The following ELOVL7 variants were observed in gnomAD, a reference collection of about 807,000 sequenced individuals.
ELOVL7 encodes very long chain fatty acid elongase 7.
ELOVL7 carries 27 observed loss-of-function variants against 35.7 expected under a neutral mutation model. The observed-to-expected ratio is 0.76, with a 90% CI of 0.56 to 1.04. The LOEUF is 1.04. ELOVL7 is among the 50% of genes least tolerant of loss of function. The probability of loss-of-function intolerance (pLI) is 0.00; values close to 1 mark genes in which losing one functional copy is unlikely to be tolerated. For synonymous variants in ELOVL7, 113 were observed against 114.6 expected (o/e 0.99, Z 0.09); for missense variants, 327 against 340.8 (o/e 0.96, Z 0.32).
intron 7 of ELOVL7, among the ~76,000 whole-genome samples, chr5:60,762,893 T>C (rs561066127): frequency 6.6e-6 from 1 of 152,304 alleles, no homozygotes; most frequent in South Asian, 2.1e-4. Flanking sequence ...AGTGAGTGTT[T>C]AGGTATTTTC....
intron 4 of ELOVL7, among the ~76,000 whole-genome samples, chr5:60,768,172 G>A (rs919738153): frequency 1.3e-5 from 2 of 152,170 alleles, no homozygotes; most frequent in Admixed American, 1.3e-4. Context: ...CTAATATGGT[G>A]AAGAATAAAA....
chr5:60,773,245 C>T (rs754513471), intron 3 of ELOVL7, among the ~76,000 whole-genome samples: 2 of 152,164 alleles, frequency 1.3e-5, no homozygotes, highest in Non-Finnish European at 2.9e-5. Flanking sequence ...AAGGACCTGA[C>T]TCAAAATTAT....
At chr5:60,775,491 A>G (rs995598083) in intron 3 of ELOVL7, among the ~76,000 whole-genome samples, 10 of 152,232 alleles carry the variant, frequency 6.6e-5, no homozygotes, top group African/African-American at 2.4e-4. Context: ...TCAAATTCAT[A>G]GAAAACCAAA....
At chr5:60,758,062 C>A (rs1044461904) in intron 7 of ELOVL7, among the ~76,000 whole-genome samples, 4 of 152,032 alleles carry the variant, frequency 2.6e-5, no homozygotes, top group Admixed American at 2.6e-4. Flanking sequence ...ATGTCACTAC[C>A]AAGATCAAGA....
intron 1 of ELOVL7, among the ~76,000 whole-genome samples, chr5:60,820,774 G>A (rs546455415): frequency 6.6e-6 from 1 of 152,240 alleles, no homozygotes; most frequent in African/African-American, 2.4e-5. Flanking sequence ...GACCTGTGGT[G>A]TATGCCATCT....
At chr5:60,792,850 T>C (rs1412487619) in intron 2 of ELOVL7, among the ~76,000 whole-genome samples, 1 of 152,152 alleles carries the variant, frequency 6.6e-6, no homozygotes, top group African/African-American at 2.4e-5. Flanking sequence ...CTTGTATGAA[T>C]GAAGCTCACC....
chr5:60,827,338 A>G (rs976456859), intron 1 of ELOVL7, among the ~76,000 whole-genome samples: 4 of 152,192 alleles, frequency 2.6e-5, no homozygotes, highest in Non-Finnish European at 5.9e-5. Context: ...TATTTCCTCA[A>G]TGTAGGTTCC....
intron 7 of ELOVL7, among the ~76,000 whole-genome samples, chr5:60,761,821 G>A (rs1383781374): frequency 6.6e-6 from 1 of 152,070 alleles, no homozygotes; most frequent in Non-Finnish European, 1.5e-5. Flanking sequence ...TAGAAAAATT[G>A]TAGCAGTTAG....
At chr5:60,787,178 C>A (rs900699462) in intron 3 of ELOVL7, among the ~76,000 whole-genome samples, 156 bp downstream of exon 3, 1 of 152,114 alleles carries the variant, frequency 6.6e-6, no homozygotes, top group Non-Finnish European at 1.5e-5. Flanking sequence ...TTGTACATAT[C>A]TGTAATGAAA....
intron 5 of ELOVL7, 55 bp from the exon 6 acceptor site, chr5:60,766,685 A>AT (rs1321085207): frequency 1.3e-6 from 2 of 1,523,772 alleles, no homozygotes; most frequent in African/African-American, 2.8e-5. Flanking sequence ...AAAAGCTTAT[A>AT]TTTTTAAATT....
In ELOVL7 at chr5:60,805,904, CAT is replaced by C. The variant is rs377229402; in HGVS notation, c.-85-6676_-85-6675del. On this transcript the variant is annotated intron_variant, in intron 1 of 8. Coordinates refer to ENST00000508821, the MANE Select transcript of ELOVL7 (RefSeq NM_024930.3). ...CCAACGCCTGGCATGTAGCAGGAAA[CAT>C]GTGTGATATGAGTAAATATCCAAGT... Among the ~76,000 whole-genome samples the C allele has an allele frequency of 4.5e-3, 689 of 152,296 alleles. 5 individuals carry two copies. Among genetic ancestry groups the C allele is most frequent in the African/African-American group, 0.016 (651 of 41,558 alleles).
rs77926186 is a variant in ELOVL7 at position 60,801,411 on chromosome 5, C to G, written c.-85-2181G>C. Among the ~76,000 whole-genome samples the G allele has an allele frequency of 1.7e-3, 260 of 152,022 alleles. 2 individuals carry two copies. The highest frequency in any genetic ancestry group is 6.2e-3 in the African/African-American group (255 of 41,452). ...CAATAGGGTCTTACAACTAGAAAAC[C>G]CTAAAGAGTACCAGGTGTGGTGGCT... On this transcript the variant is annotated intron_variant, in intron 1 of 8. Coordinates refer to ENST00000508821, the MANE Select transcript of ELOVL7 (RefSeq NM_024930.3).
intron 1 of ELOVL7, among the ~76,000 whole-genome samples, chr5:60,829,100 TAA>T (rs1336085420): frequency 6.6e-6 from 1 of 152,126 alleles, no homozygotes; most frequent in African/African-American, 2.4e-5. Context: ...ATTTCTATAA[TAA>T]GAGTTTTTTA....
In ELOVL7 at chr5:60,767,991, A is replaced by C; in HGVS notation, c.256-88T>G. 3.0e-6 allele frequency: 3 copies of C among 997,830 alleles called. No individual in the cohort carries two copies. The Middle Eastern group carries it at 6.1e-4, about 203-fold the overall frequency. 61.8% of individuals were successfully genotyped at this position (997,830 alleles called of 1,614,324 possible). On this transcript the variant is annotated intron_variant, in intron 4 of 8. Transcript: ENST00000508821. ...AGTTTTGATAGTGTCTCTTCATTAC[A>C]TTTTCAGCTAAGTCAATAGTCAGTG...
intron 5 of ELOVL7, among the ~76,000 whole-genome samples, chr5:60,767,541 G>T (rs1160459141): frequency 6.6e-6 from 1 of 152,140 alleles, no homozygotes; most frequent in Admixed American, 6.5e-5. Context: ...AAGCAGAATT[G>T]CTGGATCTTA....
At chr5:60,772,917 C>T (rs1179079088) in intron 3 of ELOVL7, among the ~76,000 whole-genome samples, 1 of 152,136 alleles carries the variant, frequency 6.6e-6, no homozygotes, top group African/African-American at 2.4e-5. Context: ...GGCACACTTC[C>T]ACATATACTG....
chr5:60,804,674 T>C (rs1744829884), intron 1 of ELOVL7, among the ~76,000 whole-genome samples: 1 of 152,182 alleles, frequency 6.6e-6, no homozygotes, highest in African/African-American at 2.4e-5. Flanking sequence ...TAGTCTCGAA[T>C]AGAACAAGTG....
In ELOVL7 at chr5:60,766,649, A is replaced by G; in HGVS notation, c.337-19T>C. On this transcript the variant is annotated intron_variant, in intron 5 of 8. Coordinates refer to ENST00000508821, the MANE Select transcript of ELOVL7 (RefSeq NM_024930.3). ...GTGCCATCTGCAGAAGCACAAATAA[A>G]TCTAAATTTATTTTGTATATGGAAG... 2 of 1,601,304 alleles carry G rather than the reference A, an allele frequency of 1.2e-6. No homozygotes were observed. Among genetic ancestry groups the G allele is most frequent in the Non-Finnish European group, 1.7e-6 (2 of 1,174,664 alleles).
chr5:60,782,879 A>G (rs577558992), intron 3 of ELOVL7, among the ~76,000 whole-genome samples: 106 of 152,350 alleles, frequency 7.0e-4, no homozygotes, highest in African/African-American at 2.5e-3. Context: ...ATTGCACAGC[A>G]TGATAACTAG....
Sources: gnomAD v4.1 joint callset for allele counts (sites outside exome capture counted in the v4.1 genomes callset) on GRCh38, gnomAD v4.1.1 for gene constraint, MANE v1.5 for transcripts, NCBI Gene and HGNC (gene_info 2026-07-23, HGNC 2026-07-21) for gene names.